The following ZFAND4 variants were observed in gnomAD, a reference collection of about 807,000 sequenced individuals.
ZFAND4 encodes the protein zinc finger AN1-type containing 4, also known as AN1-type zinc finger protein 4.
In ZFAND4, 43 loss-of-function variants were observed where a neutral mutation model predicts 64.4. That is an observed-to-expected ratio of 0.67 (90% CI 0.52 to 0.86). The LOEUF is 0.86. Among genes scored for constraint, ZFAND4 ranks in the 40% least tolerant of loss-of-function variants. The pLI is 0.00. For synonymous variants in ZFAND4, 296 were observed against 305.7 expected (o/e 0.97, Z 0.33); for missense variants, 929 against 859.8 (o/e 1.08, Z -1.01).
At chr10:45,657,972 A>T (rs2048241839) in intron 2 of ZFAND4, among the ~76,000 whole-genome samples, 1 of 152,200 alleles carries the variant, frequency 6.6e-6, no homozygotes, top group Non-Finnish European at 1.5e-5. Flanking sequence ...GAGAATTCTG[A>T]TAGGTGATGG....
chr10:45,638,090 T>C (rs1402293858), intron 6 of ZFAND4, among the ~76,000 whole-genome samples: 2 of 152,066 alleles, frequency 1.3e-5, no homozygotes, highest in South Asian at 2.1e-4. Flanking sequence ...GTCACCAGAA[T>C]GGTTAAAATT....
intron 5 of ZFAND4, among the ~76,000 whole-genome samples, chr10:45,643,385 C>T (rs2047156601): frequency 1.3e-5 from 2 of 151,636 alleles, no homozygotes; most frequent in South Asian, 4.2e-4. Context: ...CTTAAAAAAT[C>T]CCAGGCCGGG....
At chr10:45,640,336 C>T in intron 5 of ZFAND4, 2 of 1,258,222 alleles carry the variant, frequency 1.6e-6, no homozygotes, top group Non-Finnish European at 2.0e-6. Flanking sequence ...AGACAACAGG[C>T]TGATGAGATT....
intron 1 of ZFAND4, among the ~76,000 whole-genome samples, chr10:45,670,987 G>C (rs1481362327): frequency 2.0e-5 from 3 of 151,894 alleles, no homozygotes; most frequent in Non-Finnish European, 4.4e-5. Context: ...AAATTTTCAA[G>C]AAAAAAACAA....
chr10:45,663,024 A>T (rs547327209), intron 2 of ZFAND4, among the ~76,000 whole-genome samples: 1 of 152,086 alleles, frequency 6.6e-6, no homozygotes, highest in East Asian at 1.9e-4. Flanking sequence ...CAAAAGAGAC[A>T]TTACACATTA....
At chr10:45,667,054 GTC>G (rs1333039802) in intron 1 of ZFAND4, among the ~76,000 whole-genome samples, 1 of 152,180 alleles carries the variant, frequency 6.6e-6, no homozygotes, top group African/African-American at 2.4e-5. Flanking sequence ...ATTGTATTAA[GTC>G]TGTAGATTTG....
intron 5 of ZFAND4, among the ~76,000 whole-genome samples, chr10:45,641,393 G>A (rs1046501380): frequency 3.9e-5 from 6 of 152,128 alleles, no homozygotes; most frequent in Non-Finnish European, 5.9e-5. Flanking sequence ...TTATATGGTT[G>A]TAAGAAATGG....
rs577979756 is a variant in ZFAND4 at position 45,662,559 on chromosome 10, T to C, written c.184+983A>G. On this transcript the variant is annotated intron_variant, in intron 2 of 9. Coordinates refer to ENST00000344646, the MANE Select transcript of ZFAND4 (RefSeq NM_174890.4). Reference sequence around the variant, plus strand: ...AAAGCAGAACGAAGTCAAAATAAACTATCATGACTCTAGATCTCACCAAAT... The same window carrying C: ...AAAGCAGAACGAAGTCAAAATAAACCATCATGACTCTAGATCTCACCAAAT... The C allele has an allele frequency of 4.8e-4, 476 of 981,558 alleles. 2 individuals are homozygous for C. In the South Asian group the frequency reaches 0.014, roughly 29 times the overall value. The allele number at this position is 981,558 out of a possible 1,614,324, so 60.8% of individuals were successfully genotyped here. A position where few individuals can be genotyped will look rare whatever the true frequency, so the allele number is the denominator to read the frequency against.
chr10:45,646,187 G>T (rs2047367567), intron 5 of ZFAND4, among the ~76,000 whole-genome samples: 1 of 152,106 alleles, frequency 6.6e-6, no homozygotes, highest in African/African-American at 2.4e-5. Flanking sequence ...CCAATTGTTA[G>T]TCTTATATTT....
chr10:45,654,456 T>C (rs1404710875), intron 2 of ZFAND4, among the ~76,000 whole-genome samples: 1 of 152,104 alleles, frequency 6.6e-6, no homozygotes, highest in Admixed American at 6.5e-5. Context: ...CCGTCTCTAC[T>C]AAAAATACAA....
intron 5 of ZFAND4, among the ~76,000 whole-genome samples, chr10:45,641,025 C>G (rs78966992): frequency 0.052 from 7,949 of 152,094 alleles, 592 homozygotes; most frequent in African/African-American, 0.17. Context: ...AATGATGTAT[C>G]ACACGATCCT....
At chr10:45,656,957 A>G (rs915414632) in intron 2 of ZFAND4, among the ~76,000 whole-genome samples, 17 of 152,076 alleles carry the variant, frequency 1.1e-4, no homozygotes, top group African/African-American at 3.9e-4. Context: ...ACCGTGAGAA[A>G]TAAACTTCTG....
intron 6 of ZFAND4, among the ~76,000 whole-genome samples, chr10:45,630,863 C>T (rs924771888): frequency 2.0e-5 from 3 of 150,504 alleles, no homozygotes; most frequent in Admixed American, 6.6e-5. Flanking sequence ...TATCTCATGC[C>T]GCTGAGGCAG....
At chr10:45,648,144 T>TA (rs2047515312) in intron 5 of ZFAND4, 150 bp downstream of exon 5, 3 of 731,604 alleles carry the variant, frequency 4.1e-6, no homozygotes, top group East Asian at 3.2e-5. Context: ...CATCCCACTC[T>TA]AAAAAAACCT....
At chr10:45,653,140 A>T (rs1257589525) in intron 2 of ZFAND4, 81 bp from the exon 3 acceptor site, 1 of 1,069,560 alleles carries the variant, frequency 9.3e-7, no homozygotes, top group East Asian at 2.5e-5. Flanking sequence ...CTATTTCATT[A>T]AGGAACTAAG....
rs761659746 is a variant in ZFAND4, at chr10:45,616,430, G to A, written c.*6C>T. The A allele has an allele frequency of 6.2e-7, 1 of 1,614,014 alleles. No homozygotes were observed. Among genetic ancestry groups the A allele is most frequent in the South Asian group, 1.1e-5 (1 of 91,052 alleles). ...CCGGGCAGAACAGTAAGATGTAGAGGAAGAGTTAGATTTTTGGAAGCTTTG... is the reference window on the plus strand; with the variant it reads ...CCGGGCAGAACAGTAAGATGTAGAGAAAGAGTTAGATTTTTGGAAGCTTTG... On this transcript the variant is annotated 3_prime_UTR_variant, in exon 10 of 10. Coordinates refer to ENST00000344646, the MANE Select transcript of ZFAND4 (RefSeq NM_174890.4).
Position 45,653,045 on chromosome 10 carries a change from G to T in ZFAND4, c.199C>A (p.Arg67=). The change falls in exon 3 of 10, where the codon CGA becomes AGA. Residue 67 remains arginine, a synonymous_variant. Coordinates refer to ENST00000344646, the MANE Select transcript of ZFAND4 (RefSeq NM_174890.4). ...ATGTTATTCCAAATTAAGTGTTGTC[G>T]ACAGATGGGAATACCTTAAGGGAAA... is the stretch of plus-strand genomic sequence containing the variant. ...IRRLEGIPIC[R]QHLIWNNMEL... The T allele has an allele frequency of 1.2e-6, 2 of 1,609,270 alleles. No individual in the cohort carries two copies. Among genetic ancestry groups the T allele is most frequent in the South Asian group, 2.2e-5 (2 of 90,456 alleles).
chr10:45,645,709 T>C (rs1201808982), intron 5 of ZFAND4, among the ~76,000 whole-genome samples: 1 of 152,156 alleles, frequency 6.6e-6, no homozygotes, highest in African/African-American at 2.4e-5. Context: ...CTTTCAAAAG[T>C]AGAAATTAAG....
chr10:45,640,820 A>G (rs979933839), intron 5 of ZFAND4, among the ~76,000 whole-genome samples: 1 of 152,126 alleles, frequency 6.6e-6, no homozygotes, highest in Non-Finnish European at 1.5e-5. Flanking sequence ...GATAACTTCA[A>G]ATTTTTCTAA....
Sources: gnomAD v4.1 joint callset for allele counts (sites outside exome capture counted in the v4.1 genomes callset) on GRCh38, gnomAD v4.1.1 for gene constraint, MANE v1.5 for transcripts, NCBI Gene and HGNC (gene_info 2026-07-23, HGNC 2026-07-21) for gene names.